ABHD2: variants seen among roughly 807,000 people sequenced by gnomAD.
The protein encoded by ABHD2 is monoacylglycerol lipase ABHD2.
Under a neutral mutation model 48.1 loss-of-function variants are expected in ABHD2, and 20 were observed. The observed-to-expected ratio is 0.42, with a 90% CI of 0.29 to 0.60. ABHD2 has a LOEUF of 0.60. ABHD2 is among the 20% of genes least tolerant of loss of function. The probability of loss-of-function intolerance (pLI) is 0.24; values close to 1 mark genes in which losing one functional copy is unlikely to be tolerated. For missense variants in ABHD2, 405 were observed against 550.9 expected, an observed-to-expected ratio of 0.74 and a Z score of 2.65; for synonymous variants, 209 against 214.2, an observed-to-expected ratio of 0.98 and a Z score of 0.21.
chr15:89,121,878 G>C (rs1388414145), intron 3 of ABHD2, among the ~76,000 whole-genome samples: 1 of 152,178 alleles, frequency 6.6e-6, no homozygotes, highest in African/African-American at 2.4e-5. Context: ...GCCCAGGCTG[G>C]AGTGCAGTAG....
chr15:89,142,339 T>C (rs2050416974), intron 3 of ABHD2, among the ~76,000 whole-genome samples: 1 of 152,210 alleles, frequency 6.6e-6, no homozygotes, highest in Admixed American at 6.5e-5. Flanking sequence ...AGAAAAAAGG[T>C]AAATAAATTC....
At chr15:89,123,295 T>G (rs2050080290) in intron 3 of ABHD2, among the ~76,000 whole-genome samples, 1 of 152,154 alleles carries the variant, frequency 6.6e-6, no homozygotes, top group African/African-American at 2.4e-5. Flanking sequence ...TGGTTTTCCC[T>G]TTTTCTCTTC....
At chr15:89,066,451 TAA>T in the ABHD2 span, among the ~76,000 whole-genome samples, 68 of 152,318 alleles carry the variant, frequency 4.5e-4, no homozygotes, top group East Asian at 0.012. Flanking sequence ...GGGCCTACCT[TAA>T]TCCAGTATGA....
Position 89,116,561 on chromosome 15 carries a change from T to C in ABHD2, c.194+40T>C, listed in dbSNP as rs1221384683. On this transcript the variant is annotated intron_variant, in intron 3 of 10. Transcript: ENST00000352732. This position sits in a 1 kb window ranked among gnomAD's most constrained non-coding sequence, Gnocchi z 4.6. ...TGCCCTCTGTATGCTCAGCTGCTGATGTATTTGGCTTTGTGTGATGTTCAA... is the reference window on the plus strand; with the variant it reads ...TGCCCTCTGTATGCTCAGCTGCTGACGTATTTGGCTTTGTGTGATGTTCAA... 2 of 1,579,898 alleles carry C rather than the reference T, an allele frequency of 1.3e-6. No individual in the cohort carries two copies. Among genetic ancestry groups the C allele is most frequent in the Non-Finnish European group, 1.7e-6 (2 of 1,160,844 alleles).
the ABHD2 span, among the ~76,000 whole-genome samples, chr15:89,042,246 T>C: frequency 6.6e-6 from 1 of 152,190 alleles, no homozygotes; most frequent in Admixed American, 6.5e-5. Flanking sequence ...GCAGCCTGGA[T>C]CCAGAGCCTG....
In ABHD2 at chr15:89,102,620, T is replaced by C. The variant is rs1361992914; in HGVS notation, c.-106-11105T>C. On this transcript the variant is annotated intron_variant, in intron 1 of 10. Transcript: ENST00000352732. This position sits in a 1 kb window ranked among gnomAD's most constrained non-coding sequence, Gnocchi z 4.8. The stretch of plus-strand genomic sequence containing the variant: ...TTTCCTAATCTCAGAGTAATATTTC[T>C]GCCATTTTTTATGAAACCATCTTCC... 1 of 152,266 alleles carries C rather than the reference T, an allele frequency of 6.6e-6. No individual in the cohort carries two copies. Among genetic ancestry groups the C allele is most frequent in the Non-Finnish European group, 1.5e-5 (1 of 68,044 alleles). 9.4% of individuals were successfully genotyped at this position (152,266 alleles called of 1,614,324 possible).
chr15:89,060,757 G>A, the ABHD2 span, among the ~76,000 whole-genome samples: 8 of 152,124 alleles, frequency 5.3e-5, no homozygotes, highest in East Asian at 1.4e-3. Flanking sequence ...GACAAAGGGG[G>A]GAAGTGTCCA....
chr15:89,193,659 A>C (rs79892500), intron 10 of ABHD2, among the ~76,000 whole-genome samples: 2,808 of 152,294 alleles, frequency 0.018, 94 homozygotes, highest in African/African-American at 0.063. Context: ...ATTTAGATTT[A>C]AAATTCGAGA....
In ABHD2 at chr15:89,200,120, C is replaced by T. The variant is rs1188748435; in HGVS notation, c.*4697C>T. The T allele has an allele frequency of 1.3e-5, 2 of 152,162 alleles. No homozygotes were observed. The highest frequency in any genetic ancestry group is 3.8e-4 in the East Asian group (2 of 5,196). The allele number at this position is 152,162 out of a possible 1,614,324, so 9.4% of individuals were successfully genotyped here. ...CATGTATGTGGGTAGAGCTTTCATG[C>T]ATCTCTAGTAATAATAAGCTGAAAT... On this transcript the variant is annotated 3_prime_UTR_variant, in exon 11 of 11. Transcript: ENST00000352732.
Position 89,198,766 on chromosome 15 carries a change from C to T in ABHD2, c.*3343C>T, listed in dbSNP as rs1271383734. Reference sequence around the variant, plus strand: ...TCTGCGTGAACTTGGCCTCTCCAGCCCTTGCAGGTGGAAACAGCTGTGTCA... The same window carrying T: ...TCTGCGTGAACTTGGCCTCTCCAGCTCTTGCAGGTGGAAACAGCTGTGTCA... On this transcript the variant is annotated 3_prime_UTR_variant, in exon 11 of 11. Transcript: ENST00000352732. This position sits in a 1 kb window ranked among gnomAD's most constrained non-coding sequence, Gnocchi z 5.1. The T allele has an allele frequency of 1.3e-5, 2 of 152,192 alleles. No homozygotes were observed. The highest frequency in any genetic ancestry group is 1.3e-4 in the Admixed American group (2 of 15,276). The allele number at this position is 152,192 out of a possible 1,614,324, so 9.4% of individuals were successfully genotyped here.
At chr15:89,110,803 T>G (rs970081006) in intron 1 of ABHD2, among the ~76,000 whole-genome samples, 70 of 152,332 alleles carry the variant, frequency 4.6e-4, no homozygotes, top group African/African-American at 1.4e-3. Context: ...TTTAAAACCT[T>G]GGCATTTTTT....
intron 6 of ABHD2, among the ~76,000 whole-genome samples, chr15:89,183,972 T>A (rs1358788236): frequency 1.3e-5 from 2 of 152,058 alleles, no homozygotes; most frequent in Non-Finnish European, 2.9e-5. Context: ...GTGAGCACAG[T>A]CCTGCTTTAG....
the ABHD2 span, among the ~76,000 whole-genome samples, chr15:89,063,825 G>A: frequency 6.6e-6 from 1 of 151,980 alleles, no homozygotes; most frequent in Non-Finnish European, 1.5e-5. Flanking sequence ...TGGTTTCATG[G>A]AAGACAATTT....
the ABHD2 span, among the ~76,000 whole-genome samples, chr15:89,042,302 C>G: frequency 0.01 from 1,551 of 152,282 alleles, 37 homozygotes; most frequent in African/African-American, 0.036. Flanking sequence ...GCCACCTTCT[C>G]CATAACACTA....
chr15:89,135,660 C>T lies in ABHD2; in HGVS notation c.195-16017C>T, dbSNP rs182080622. 3.7e-4 allele frequency: 580 copies of T among 1,550,310 alleles called. 4 individuals are homozygous for T. The African/African-American group carries it at 6.9e-3, about 18-fold the overall frequency. On this transcript the variant is annotated intron_variant, in intron 3 of 10. Transcript: ENST00000352732. The stretch of plus-strand genomic sequence containing the variant: ...CAGCCTTGACAACTCCCTTTTTTTG[C>T]TGCAGCAGGCTTTCCTTTAGCCCGA...
At chr15:89,141,219 C>T (rs985419968) in intron 3 of ABHD2, among the ~76,000 whole-genome samples, 1 of 151,932 alleles carries the variant, frequency 6.6e-6, no homozygotes, top group Admixed American at 6.6e-5. Flanking sequence ...TGGCCTCAAG[C>T]AGTCCTCCCA....
At chr15:89,161,753 A>G (rs374563490) in intron 5 of ABHD2, among the ~76,000 whole-genome samples, 3 of 152,232 alleles carry the variant, frequency 2.0e-5, no homozygotes, top group African/African-American at 7.2e-5. Flanking sequence ...TTCATCTGTG[A>G]CTATTTCCAG....
At position 89,094,313 on chromosome 15, in the gene ABHD2, G is replaced by T. The variant is rs2049576973; in HGVS notation, c.-107+5750G>T. The T allele has an allele frequency of 6.6e-6, 1 of 152,140 alleles. No homozygotes were observed. The highest frequency in any genetic ancestry group is 2.1e-4 in the South Asian group (1 of 4,832). The allele number at this position is 152,140 out of a possible 1,614,324, so 9.4% of individuals were successfully genotyped here. On this transcript the variant is annotated intron_variant, in intron 1 of 10. Transcript: ENST00000352732. This position sits in a 1 kb window ranked among gnomAD's most constrained non-coding sequence, Gnocchi z 4.7. ...CTCCCTATGTGTACAGTCACTGTAG[G>T]CATGTATTTGTGTACTGTTTACTTA...
intron 3 of ABHD2, among the ~76,000 whole-genome samples, chr15:89,144,592 AG>A (rs2050462122): frequency 6.6e-6 from 1 of 152,346 alleles, no homozygotes; most frequent in African/African-American, 2.4e-5. Flanking sequence ...CCAAGACAAA[AG>A]GTCACATGTT....
Sources: gnomAD v4.1 joint callset for allele counts (sites outside exome capture counted in the v4.1 genomes callset) on GRCh38, gnomAD v4.1.1 for gene constraint, Gnocchi (gnomAD v3.1) non-coding constraint, MANE v1.5 for transcripts, NCBI Gene and HGNC (gene_info 2026-07-23, HGNC 2026-07-21) for gene names.